The following KCNMA1 variants were observed in gnomAD, a reference collection of about 807,000 sequenced individuals.
KCNMA1 encodes the protein potassium calcium-activated channel subfamily M alpha 1, also known as Calcium-activated potassium channel subunit alpha-1.
KCNMA1 carries 29 observed loss-of-function variants against 140.0 expected under a neutral mutation model. The ratio of observed to expected loss-of-function variants is 0.21; its 90% CI spans 0.15 to 0.28. KCNMA1 has a LOEUF of 0.28. KCNMA1 is among the 10% of genes least tolerant of loss of function. The pLI is 1.00. For missense variants in KCNMA1, 880 were observed against 1,602.2 expected (o/e 0.55, Z 7.70); for synonymous variants, 612 against 611.9 (o/e 1.00, Z 0.00).
chr10:77,191,252 C>T (rs1250851013), intron 3 of KCNMA1, among the ~76,000 whole-genome samples: 1 of 152,046 alleles, frequency 6.6e-6, no homozygotes, highest in Non-Finnish European at 1.5e-5. Flanking sequence ...TATTATTATT[C>T]ATAAAATTTA....
chr10:77,356,069 T>A (rs943518653), intron 2 of KCNMA1, among the ~76,000 whole-genome samples: 3 of 152,328 alleles, frequency 2.0e-5, no homozygotes, highest in African/African-American at 7.2e-5. Context: ...CATAGAGGCA[T>A]ATTACTCATT....
intron 5 of KCNMA1, among the ~76,000 whole-genome samples, chr10:77,166,166 CATAAA>C (rs2098639765): frequency 6.6e-6 from 1 of 152,100 alleles, no homozygotes; most frequent in East Asian, 1.9e-4. Flanking sequence ...CTATTTATTT[CATAAA>C]ATAAATATAA....
intron 1 of KCNMA1, among the ~76,000 whole-genome samples, chr10:77,611,572 A>T (rs2086893636): frequency 6.6e-6 from 1 of 152,248 alleles, no homozygotes; most frequent in African/African-American, 2.4e-5. Context: ...TGATTCAGCT[A>T]CGTAAAGTCC....
intron 1 of KCNMA1, among the ~76,000 whole-genome samples, chr10:77,564,490 G>A (rs778903850): frequency 6.6e-6 from 1 of 152,160 alleles, no homozygotes; most frequent in Non-Finnish European, 1.5e-5. Context: ...GGCTGAGACA[G>A]AAGAATCACT....
chr10:77,457,625 T>G (rs2097782550), intron 1 of KCNMA1, among the ~76,000 whole-genome samples: 2 of 152,108 alleles, frequency 1.3e-5, no homozygotes, highest in African/African-American at 4.8e-5. Context: ...TTGGACACCT[T>G]TATAACTAGT....
At chr10:76,984,816 A>C (rs2080754321) in intron 19 of KCNMA1, among the ~76,000 whole-genome samples, 1 of 152,228 alleles carries the variant, frequency 6.6e-6, no homozygotes, top group Admixed American at 6.5e-5. Flanking sequence ...GATTTCAAAT[A>C]AACCTTAGCA....
intron 14 of KCNMA1, among the ~76,000 whole-genome samples, chr10:77,063,431 C>T (rs566216967): frequency 2.0e-4 from 30 of 151,452 alleles, no homozygotes; most frequent in Non-Finnish European, 3.4e-4. Flanking sequence ...GGTGAGACAG[C>T]GAAATCTCCG....
chr10:77,306,949 G>A (rs1601941695), intron 2 of KCNMA1, among the ~76,000 whole-genome samples: 1 of 152,176 alleles, frequency 6.6e-6, no homozygotes, highest in Admixed American at 6.5e-5. Flanking sequence ...TCAATACCTG[G>A]AAGCCACTCA....
At position 77,059,554 on chromosome 10, in the gene KCNMA1, T is replaced by C. The variant is rs181202429; in HGVS notation, c.1749+13543A>G. 6.6e-5 allele frequency among the ~76,000 whole-genome samples: 10 copies of C among 152,258 alleles called. No homozygotes were observed. In the East Asian group the frequency reaches 1.7e-3, roughly 26 times the overall value. ...TGGTGGCTGGTTCAATATTGTATAATCATTCAATGTAATTTACCATATTAA... is the reference window on the plus strand; with the variant it reads ...TGGTGGCTGGTTCAATATTGTATAACCATTCAATGTAATTTACCATATTAA... On this transcript the variant is annotated intron_variant, in intron 14 of 27. Coordinates refer to ENST00000286628, the MANE Select transcript of KCNMA1 (RefSeq NM_001161352.2).
intron 2 of KCNMA1, among the ~76,000 whole-genome samples, chr10:77,291,911 C>A (rs545915022): frequency 2.6e-5 from 4 of 152,162 alleles, no homozygotes; most frequent in Non-Finnish European, 5.9e-5. Flanking sequence ...ACTAGGAATG[C>A]GGAATTCCCC....
intron 14 of KCNMA1, among the ~76,000 whole-genome samples, chr10:77,065,717 G>T (rs576571145): frequency 6.6e-6 from 1 of 152,222 alleles, no homozygotes; most frequent in South Asian, 2.1e-4. Context: ...CTGGTTACAT[G>T]AGCACTGAGG....
At chr10:77,545,018 G>A (rs567234084) in intron 1 of KCNMA1, among the ~76,000 whole-genome samples, 4 of 152,172 alleles carry the variant, frequency 2.6e-5, no homozygotes, top group South Asian at 4.2e-4. Context: ...AAAATGTACC[G>A]AGAAGAGAGC....
intron 1 of KCNMA1, chr10:77,636,611 G>T: frequency 6.5e-7 from 1 of 1,536,124 alleles, no homozygotes; most frequent in Non-Finnish European, 8.7e-7. Context: ...ATGCGACCTC[G>T]ACACATTCCA....
chr10:77,342,426 G>A (rs537985494), intron 2 of KCNMA1, among the ~76,000 whole-genome samples: 76 of 152,244 alleles, frequency 5.0e-4, no homozygotes, highest in African/African-American at 1.8e-3. Flanking sequence ...TTTGCCCAAG[G>A]CCTCGATACC....
chr10:77,012,157 C>T, intron 17 of KCNMA1, 114 bp from the exon 18 acceptor site: 1 of 1,576,116 alleles, frequency 6.3e-7, no homozygotes, highest in South Asian at 1.1e-5. Flanking sequence ...CATTAATTTC[C>T]TTTAATCTTT....
intron 19 of KCNMA1, among the ~76,000 whole-genome samples, chr10:77,000,080 T>G (rs2085714872): frequency 6.6e-6 from 1 of 152,098 alleles, no homozygotes; most frequent in South Asian, 2.1e-4. Context: ...AATAAATGCT[T>G]AAGAGCTCAG....
intron 19 of KCNMA1, among the ~76,000 whole-genome samples, chr10:76,985,482 A>T (rs2081013320): frequency 6.6e-6 from 1 of 152,224 alleles, no homozygotes; most frequent in Non-Finnish European, 1.5e-5. Context: ...ATGTACCTAA[A>T]CCAACATGCC....
chr10:77,248,056 C>A (rs994508562), intron 3 of KCNMA1, among the ~76,000 whole-genome samples: 1 of 152,126 alleles, frequency 6.6e-6, no homozygotes, highest in Non-Finnish European at 1.5e-5. Flanking sequence ...GTGCAGCTGT[C>A]TTTGGAAGTG....
intron 24 of KCNMA1, chr10:76,912,877 G>C (rs542874772): frequency 6.6e-6 from 1 of 152,270 alleles, no homozygotes; most frequent in East Asian, 1.9e-4. Flanking sequence ...GTTCTGAGGA[G>C]AGCAATCCAG....
Sources: gnomAD v4.1 joint callset for allele counts (sites outside exome capture counted in the v4.1 genomes callset) on GRCh38, gnomAD v4.1.1 for gene constraint, MANE v1.5 for transcripts, NCBI Gene and HGNC (gene_info 2026-07-23, HGNC 2026-07-21) for gene names.